The following DCLK3 variants were observed in gnomAD, a reference collection of about 807,000 sequenced individuals.
DCLK3 encodes doublecortin like kinase 3, also known as serine/threonine-protein kinase DCLK3.
In DCLK3, 30 loss-of-function variants were observed where a neutral mutation model predicts 46.4. The ratio of observed to expected loss-of-function variants is 0.65; its 90% CI spans 0.48 to 0.88. DCLK3 has a LOEUF of 0.88. DCLK3 is among the 40% of genes least tolerant of loss of function. The probability of loss-of-function intolerance (pLI) is 0.00; values close to 1 mark genes in which losing one functional copy is unlikely to be tolerated. For missense variants in DCLK3, 846 were observed against 907.1 expected (o/e 0.93, Z 0.87); for synonymous variants, 401 against 339.2 (o/e 1.18, Z -2.00).
At chr3:36,722,377 G>A (rs1256668445) in intron 2 of DCLK3, among the ~76,000 whole-genome samples, 1 of 152,146 alleles carries the variant, frequency 6.6e-6, no homozygotes, top group African/African-American at 2.4e-5. Context: ...GTATTAGGTT[G>A]GTGCAAAAGT....
chr3:36,751,070 A>AAAAAAAAAAAAAAAAAAC (rs1701436988), intron 1 of DCLK3, among the ~76,000 whole-genome samples: 1 of 150,444 alleles, frequency 6.6e-6, no homozygotes, highest in Non-Finnish European at 1.5e-5. Context: ...ATCTAAAAAA[A>AAAAAAAAAAAAAAAAAAC]AAAAAAAAAA....
At chr3:36,744,725 C>G (rs1410547235) in intron 1 of DCLK3, among the ~76,000 whole-genome samples, 1 of 152,136 alleles carries the variant, frequency 6.6e-6, no homozygotes, top group Non-Finnish European at 1.5e-5. Context: ...ATCTCAAGGC[C>G]AAAGAGAATA....
At chr3:36,727,879 C>A (rs1402015725) in intron 2 of DCLK3, among the ~76,000 whole-genome samples, 1 of 152,222 alleles carries the variant, frequency 6.6e-6, no homozygotes, top group African/African-American at 2.4e-5. Flanking sequence ...ACAAGCACCT[C>A]ACATATTTGG....
At chr3:36,720,704 A>G (rs549047960) in intron 3 of DCLK3, among the ~76,000 whole-genome samples, 13 of 152,138 alleles carry the variant, frequency 8.5e-5, no homozygotes, top group Middle Eastern at 3.4e-3. Flanking sequence ...ACAGGGTTTC[A>G]CCATGTTGGC....
In DCLK3 at chr3:36,750,559, T is replaced by C. The variant is rs530967813; in HGVS notation, c.83-11475A>G. On this transcript the variant is annotated intron_variant, in intron 1 of 4. Coordinates refer to ENST00000636136, the MANE Select transcript of DCLK3 (RefSeq NM_001394672.2). ...CTGGTAAAAATTCTCACAAACTGCT[T>C]GTGTTGAAATATGCATCTTTTGTAA... 2.6e-5 allele frequency among the ~76,000 whole-genome samples: 4 copies of C among 152,326 alleles called. No homozygotes were observed. In the South Asian group the frequency reaches 8.3e-4, roughly 32 times the overall value.
intron 3 of DCLK3, among the ~76,000 whole-genome samples, chr3:36,721,258 A>T (rs576711559): frequency 2.0e-5 from 3 of 146,932 alleles, no homozygotes; most frequent in African/African-American, 7.5e-5. Context: ...CTTTCATCTC[A>T]CTGTCCTGCC....
At position 36,738,942 on chromosome 3, in the gene DCLK3, C is replaced by T; in HGVS notation, c.225G>A (p.Leu75=). The T allele has an allele frequency of 2.5e-6, 1 of 405,346 alleles. No individual in the cohort carries two copies. The highest frequency in any genetic ancestry group is 4.3e-6 in the Non-Finnish European group (1 of 231,690). The allele number at this position is 405,346 out of a possible 1,614,324, so 25.1% of individuals were successfully genotyped here. A position where few individuals can be genotyped will look rare whatever the true frequency, so the allele number is the denominator to read the frequency against. The change falls in exon 2 of 5, where the codon TTG becomes TTA. Residue 75 remains leucine (L), a synonymous_variant. Coordinates refer to ENST00000636136, the MANE Select transcript of DCLK3 (RefSeq NM_001394672.2). ...FLGPRGPVVP[L]FCPRNGLHSA... is the part of the protein sequence containing the mutation. Reference sequence around the variant, plus strand: ...AGTGAAGGCCATTCCGAGGGCAGAACAAGGGCACGACGGGGCCACGCGGCC... The same window carrying T: ...AGTGAAGGCCATTCCGAGGGCAGAATAAGGGCACGACGGGGCCACGCGGCC...
chr3:36,728,954 C>T (rs1701158951), intron 2 of DCLK3, among the ~76,000 whole-genome samples: 1 of 152,186 alleles, frequency 6.6e-6, no homozygotes, highest in Non-Finnish European at 1.5e-5. Context: ...CTGGTTACAG[C>T]TCTCAGCTGC....
intron 1 of DCLK3, among the ~76,000 whole-genome samples, chr3:36,739,290 A>G (rs1207746839): frequency 2.6e-5 from 4 of 152,196 alleles, no homozygotes; most frequent in Non-Finnish European, 5.9e-5. Flanking sequence ...CAGAGTAAGC[A>G]TTGGGCTTGC....
chr3:36,738,587 C>T lies in DCLK3; in HGVS notation c.580G>A (p.Ala194Thr). ...CGGCTGTGCTGGGCCAGTGTCAGGG[C>T]CCGGGCTTTGTTGGGGTACAGTTCT... The part of the protein sequence containing the change: ...VEELYPNKAR[A>T]LTLAQHSRAP... The change falls in exon 2 of 5, where the codon GCC becomes ACC. Residue 194 changes from alanine (A) to threonine (T), a missense_variant. Around this residue, in one of 3 missense-constraint regions of DCLK3, gnomAD observed 553 missense variants for 543.0 expected, o/e 1.02. Transcript: ENST00000636136. 1.4e-6 allele frequency: 2 copies of T among 1,411,256 alleles called. No individual in the cohort carries two copies. Among genetic ancestry groups the T allele is most frequent in the African/African-American group, 1.5e-5 (1 of 67,760 alleles). The allele number at this position is 1,411,256 out of a possible 1,614,324, so 87.4% of individuals were successfully genotyped here.
intron 2 of DCLK3, among the ~76,000 whole-genome samples, chr3:36,730,885 G>C (rs1701190879): frequency 6.6e-6 from 1 of 152,042 alleles, no homozygotes; most frequent in South Asian, 2.1e-4. Context: ...TCAGGTAGAA[G>C]AAACAGCAAA....
intron 2 of DCLK3, among the ~76,000 whole-genome samples, chr3:36,724,769 G>C (rs1701105173): frequency 6.6e-6 from 1 of 152,014 alleles, no homozygotes; most frequent in East Asian, 1.9e-4. Context: ...CCCAGTCTCA[G>C]GTATCTCTTT....
At chr3:36,727,203 C>T (rs957951116) in intron 2 of DCLK3, among the ~76,000 whole-genome samples, 2 of 152,122 alleles carry the variant, frequency 1.3e-5, no homozygotes, top group African/African-American at 2.4e-5. Context: ...GCAGGAGAAT[C>T]ACTTGAACCC....
chr3:36,754,343 T>A (rs1483335977), intron 1 of DCLK3, among the ~76,000 whole-genome samples: 3 of 152,252 alleles, frequency 2.0e-5, no homozygotes, highest in African/African-American at 7.2e-5. Context: ...TCTTTTTAAA[T>A]TAATAAGCCC....
chr3:36,730,830 A>G (rs566675772), intron 2 of DCLK3, among the ~76,000 whole-genome samples: 1 of 152,054 alleles, frequency 6.6e-6, no homozygotes, highest in African/African-American at 2.4e-5. Context: ...GCAACATCTG[A>G]AAGAAGGCAA....
At position 36,721,765 on chromosome 3, in the gene DCLK3, C is replaced by T. The variant is rs1701064406; in HGVS notation, c.1960-106G>A. On this transcript the variant is annotated intron_variant, in intron 2 of 4. Transcript: ENST00000636136. The stretch of plus-strand genomic sequence containing the variant: ...AGGTCAAGAAAAGCAAACCATAAAC[C>T]TATATGAGATTACAGCTTAGCCCAA... 7 of 1,375,090 alleles carry T rather than the reference C, an allele frequency of 5.1e-6. No individual in the cohort carries two copies. The South Asian group carries it at 7.8e-5, about 15-fold the overall frequency. The allele number at this position is 1,375,090 out of a possible 1,614,324, so 85.2% of individuals were successfully genotyped here.
At chr3:36,750,155 AC>A (rs1302209551) in intron 1 of DCLK3, among the ~76,000 whole-genome samples, 1 of 152,172 alleles carries the variant, frequency 6.6e-6, no homozygotes, top group Non-Finnish European at 1.5e-5. Context: ...ATCTTGGCTC[AC>A]TGCAACCTCT....
At chr3:36,723,857 C>A (rs1347859435) in intron 2 of DCLK3, among the ~76,000 whole-genome samples, 1 of 152,140 alleles carries the variant, frequency 6.6e-6, no homozygotes, top group African/African-American at 2.4e-5. Flanking sequence ...GGGTCGGATC[C>A]CCCAAACAGA....
intron 2 of DCLK3, among the ~76,000 whole-genome samples, chr3:36,728,219 C>T (rs954199556): frequency 1.2e-4 from 18 of 152,170 alleles, no homozygotes; most frequent in African/African-American, 3.6e-4. Flanking sequence ...TGAATAAGAA[C>T]GCATCCCTCC....
Sources: allele counts gnomAD v4.1 joint callset (sites outside exome capture counted in the v4.1 genomes callset), GRCh38; gene constraint gnomAD v4.1.1; regional missense constraint gnomAD v4.1.1; transcripts MANE v1.5; gene names NCBI Gene and HGNC (gene_info 2026-07-23, HGNC 2026-07-21).